Variants in DNAH14 observed in about 807,000 individuals in gnomAD.
DNAH14 encodes the protein axonemal beta dynein heavy chain 14.
In DNAH14, 478 loss-of-function variants were observed where a neutral mutation model predicts 520.9. The observed-to-expected ratio is 0.92, with a 90% CI of 0.85 to 0.99. The LOEUF (loss-of-function observed/expected upper bound fraction) is 0.99, where lower values mean the gene tolerates loss of function less well. Among genes scored for constraint, DNAH14 ranks in the 50% least tolerant of loss-of-function variants. The pLI, the probability that DNAH14 is intolerant of heterozygous loss-of-function variation, is 0.00. For synonymous variants in DNAH14, 1,581 were observed against 1,757.2 expected (o/e 0.90, Z 2.51); for missense variants, 4,831 against 5,234.5 (o/e 0.92, Z 2.38).
At chr1:225,318,258 C>T (rs1463922601) in intron 60 of DNAH14, among the ~76,000 whole-genome samples, 1 of 152,184 alleles carries the variant, frequency 6.6e-6, no homozygotes, top group East Asian at 1.9e-4. Flanking sequence ...CGTAGCTTCA[C>T]AGTAATTCTA....
intron 18 of DNAH14, among the ~76,000 whole-genome samples, chr1:225,079,859 G>C (rs1237024164): frequency 6.6e-6 from 1 of 151,646 alleles, no homozygotes; most frequent in Non-Finnish European, 1.5e-5. Context: ...ATTTTTAGTA[G>C]AGACGAGGTT....
chr1:225,079,523 T>C lies in DNAH14; in HGVS notation c.2741T>C (p.Val914Ala). The change falls in exon 18 of 86, where the codon GTT (valine) becomes GCT (alanine). Residue 914 changes from valine (V) to alanine (A), a missense_variant. Coordinates refer to ENST00000682510, the MANE Select transcript of DNAH14 (RefSeq NM_001367479.1). Reference protein sequence around the residue: ...NLEACISGLHVDVGNLKAKIR... With the variant: ...NLEACISGLHADVGNLKAKIR... ...GAAGCATGTATCAGTGGTCTACATG[T>C]TGATGTTGGCAATTTAAAAGCCAAG... The C allele has an allele frequency of 6.6e-7, 1 of 1,514,094 alleles. No homozygotes were observed. Among genetic ancestry groups the C allele is most frequent in the Non-Finnish European group, 8.8e-7 (1 of 1,137,712 alleles). The allele number at this position is 1,514,094 out of a possible 1,614,324, so 93.8% of individuals were successfully genotyped here. A position where few individuals can be genotyped will look rare whatever the true frequency, so the allele number is the denominator to read the frequency against.
chr1:225,242,436 G>A (rs1012627637), intron 43 of DNAH14, among the ~76,000 whole-genome samples: 21 of 150,164 alleles, frequency 1.4e-4, no homozygotes, highest in Admixed American at 6.0e-4. Context: ...GAACTTTTTT[G>A]TTAAAAACTA....
intron 15 of DNAH14, among the ~76,000 whole-genome samples, chr1:225,044,639 C>A (rs2067776028): frequency 6.6e-6 from 1 of 152,182 alleles, no homozygotes; most frequent in Non-Finnish European, 1.5e-5. Context: ...TTCCCCCAAA[C>A]TGGCTGAAAG....
At chr1:225,211,629 AT>A (rs1301631826) in intron 41 of DNAH14, among the ~76,000 whole-genome samples, 1 of 152,170 alleles carries the variant, frequency 6.6e-6, no homozygotes, top group Non-Finnish European at 1.5e-5. Context: ...CAAAATTCAA[AT>A]TCAAGAAATA....
chr1:224,998,701 G>T (rs2063554679), intron 8 of DNAH14, among the ~76,000 whole-genome samples: 1 of 152,108 alleles, frequency 6.6e-6, no homozygotes, highest in Non-Finnish European at 1.5e-5. Context: ...ATTGATACAT[G>T]TTCCATGGGA....
In DNAH14 at chr1:224,962,333, A is replaced by G. The variant is rs576590174; in HGVS notation, c.367+2031A>G. 4.6e-5 allele frequency among the ~76,000 whole-genome samples: 7 copies of G among 152,304 alleles called. No individual in the cohort carries two copies. The South Asian group carries it at 1.4e-3, about 32-fold the overall frequency. On this transcript the variant is annotated intron_variant, in intron 4 of 85. Coordinates refer to ENST00000682510, the MANE Select transcript of DNAH14 (RefSeq NM_001367479.1). The stretch of plus-strand genomic sequence containing the variant: ...CAAATCAGTTGACTTTAAATTTATC[A>G]AAGGAGACTATTAGGGGCATGCCTG...
chr1:225,055,643 G>T (rs188549260), intron 17 of DNAH14, among the ~76,000 whole-genome samples: 1 of 151,462 alleles, frequency 6.6e-6, no homozygotes, highest in South Asian at 2.1e-4. Flanking sequence ...CCATTAACTC[G>T]TCATTTAATA....
At chr1:225,194,432 A>G (rs2085860717) in intron 38 of DNAH14, among the ~76,000 whole-genome samples, 1 of 152,134 alleles carries the variant, frequency 6.6e-6, no homozygotes, top group Non-Finnish European at 1.5e-5. Context: ...AGCAGTGGCA[A>G]AAGGACTTCC....
intron 64 of DNAH14, among the ~76,000 whole-genome samples, chr1:225,327,689 A>G (rs2094706103): frequency 6.6e-6 from 1 of 152,160 alleles, no homozygotes. Flanking sequence ...AACCAAACCC[A>G]AAGCTAGCAG....
chr1:225,042,985 T>C lies in DNAH14; in HGVS notation c.1639T>C (p.Cys547Arg). Residue 547 changes from cysteine (C) to arginine (R), a missense_variant, in exon 13 of 86, where the codon TGT becomes CGT. Cys to Arg is a radical substitution (Grantham distance 180). Coordinates refer to ENST00000682510, the MANE Select transcript of DNAH14 (RefSeq NM_001367479.1). ...TGAGTCTGACCAGTGCCCTGAAGAGTGTGTGATGTTTGAAGATGAAATGTC... is the reference window on the plus strand; with the variant it reads ...TGAGTCTGACCAGTGCCCTGAAGAGCGTGTGATGTTTGAAGATGAAATGTC... Reference protein sequence around the residue: ...FHESDQCPEECVMFEDEMSEN... With the variant: ...FHESDQCPEERVMFEDEMSEN... 6.4e-7 allele frequency: 1 copy of C among 1,551,830 alleles called. No homozygotes were observed. Among genetic ancestry groups the C allele is most frequent in the Non-Finnish European group, 8.7e-7 (1 of 1,147,022 alleles).
chr1:225,264,946 G>A (rs1476331427), intron 47 of DNAH14, among the ~76,000 whole-genome samples: 6 of 152,156 alleles, frequency 3.9e-5, no homozygotes, highest in African/African-American at 1.4e-4. Context: ...TGTCTGTCGT[G>A]CATAAATGTA....
chr1:225,014,134 A>G (rs12088836), intron 10 of DNAH14, among the ~76,000 whole-genome samples: 7,323 of 152,244 alleles, frequency 0.048, 512 homozygotes, highest in African/African-American at 0.15. Context: ...GACCATGGGA[A>G]AAGTGTAGCA....
intron 12 of DNAH14, among the ~76,000 whole-genome samples, chr1:225,039,301 T>C (rs2148186452): frequency 6.6e-6 from 1 of 152,336 alleles, no homozygotes; most frequent in Non-Finnish European, 1.5e-5. Flanking sequence ...CACTACTCTG[T>C]CTTTGCTTTT....
At chr1:225,038,652 A>G in intron 11 of DNAH14, 42 bp from the exon 12 acceptor site, 1 of 1,499,964 alleles carries the variant, frequency 6.7e-7, no homozygotes, top group Non-Finnish European at 8.9e-7. Flanking sequence ...GTAGATATAA[A>G]TGATTTTTAA....
chr1:225,230,863 TAAA>T (rs1197599680), intron 41 of DNAH14, among the ~76,000 whole-genome samples: 2 of 152,136 alleles, frequency 1.3e-5, no homozygotes, highest in African/African-American at 2.4e-5. Context: ...TTCAAATAAA[TAAA>T]AATCAGTTCT....
chr1:225,304,891 A>G lies in DNAH14; in HGVS notation c.8824-17A>G, dbSNP rs1438646255. On this transcript the variant is annotated splice_polypyrimidine_tract_variant and intron_variant, in intron 57 of 85. Coordinates refer to ENST00000682510, the MANE Select transcript of DNAH14 (RefSeq NM_001367479.1). ...TGGATTGCTTTCTCTTAATTCTTAA[A>G]AATTATTATTCTTCAGAACTTGAAA... 1 of 1,496,288 alleles carries G rather than the reference A, an allele frequency of 6.7e-7. No individual in the cohort carries two copies. Among genetic ancestry groups the G allele is most frequent in the Admixed American group, 2.9e-5 (1 of 34,734 alleles). The allele number at this position is 1,496,288 out of a possible 1,614,324, so 92.7% of individuals were successfully genotyped here.
chr1:225,146,699 A>T (rs987935155), intron 30 of DNAH14, among the ~76,000 whole-genome samples: 20 of 152,194 alleles, frequency 1.3e-4, no homozygotes, highest in African/African-American at 4.3e-4. Context: ...CTGATCCAGA[A>T]AAGGCAGCCC....
intron 17 of DNAH14, among the ~76,000 whole-genome samples, chr1:225,064,946 C>G (rs2070673578): frequency 6.6e-6 from 1 of 151,884 alleles, no homozygotes; most frequent in African/African-American, 2.4e-5. Flanking sequence ...AAAAACCTAG[C>G]TGTTCTGTTT....
Sources: allele counts gnomAD v4.1 joint callset (sites outside exome capture counted in the v4.1 genomes callset), GRCh38; gene constraint gnomAD v4.1.1; transcripts MANE v1.5; gene names NCBI Gene and HGNC (gene_info 2026-07-23, HGNC 2026-07-21).